The following B9D1 variants were observed in gnomAD, a reference collection of about 807,000 sequenced individuals.
B9D1 encodes B9 domain-containing protein 1.
A neutral mutation model predicts 26.1 loss-of-function variants in B9D1; 20 were observed. The ratio of observed to expected loss-of-function variants is 0.77; its 90% CI spans 0.54 to 1.12. The LOEUF is 1.12. Among genes scored for constraint, B9D1 ranks in the 50% most tolerant of loss-of-function variants. The pLI is 0.00. For missense variants in B9D1, 260 were observed against 273.7 expected, an observed-to-expected ratio of 0.95 and a Z score of 0.35; for synonymous variants, 105 against 103.1, an observed-to-expected ratio of 1.02 and a Z score of -0.11.
At chr17:19,346,560 G>A (rs1218739164) in intron 5 of B9D1, among the ~76,000 whole-genome samples, 1 of 152,208 alleles carries the variant, frequency 6.6e-6, no homozygotes, top group Non-Finnish European at 1.5e-5. Context: ...GAAGGCCAGG[G>A]CCCAGCTGGC....
At chr17:19,352,888 G>A (rs2152268775) in intron 3 of B9D1, among the ~76,000 whole-genome samples, 1 of 151,946 alleles carries the variant, frequency 6.6e-6, no homozygotes, top group Admixed American at 6.6e-5. Context: ...GGCTGGTCTC[G>A]AACTCCTGAC....
downstream of B9D1, among the ~76,000 whole-genome samples, chr17:19,342,501 CAG>C (rs1174865393): frequency 6.6e-6 from 1 of 152,056 alleles, no homozygotes; most frequent in African/African-American, 2.4e-5. Flanking sequence ...AGTGGCAGGG[CAG>C]AGAGGGCCTG....
chr17:19,341,204 G>C, downstream of B9D1: 5 of 1,231,634 alleles, frequency 4.1e-6, no homozygotes, highest in East Asian at 1.6e-4. Flanking sequence ...AGGCTTGTAC[G>C]TGCACACCAC....
At position 19,370,607 on chromosome 17, in the gene B9D1, G is replaced by C. The variant is rs994080853; in HGVS notation, c.-298+7252C>G. ...CAGCACCAATGGTGGAACTCCAGGC[G>C]TGGTGACAGGATGTGACCAGGTTCC... On this transcript the variant is annotated intron_variant, in intron 1 of 5. Transcript: ENST00000477478. The surrounding 1 kb of genome is among the most constrained non-coding windows in gnomAD (Gnocchi z 5.1). Among the ~76,000 whole-genome samples, 1 of 152,206 alleles carries C rather than the reference G, an allele frequency of 6.6e-6. No homozygotes were observed. Among genetic ancestry groups the C allele is most frequent in the African/African-American group, 2.4e-5 (1 of 41,446 alleles).
intron 3 of B9D1, among the ~76,000 whole-genome samples, chr17:19,354,232 A>G (rs1744885514): frequency 6.6e-6 from 1 of 152,158 alleles, no homozygotes; most frequent in African/African-American, 2.4e-5. Context: ...TGAAAAGCTA[A>G]AAGAATTCCA....
intron 3 of B9D1, among the ~76,000 whole-genome samples, chr17:19,354,130 A>AT (rs1329535858): frequency 6.6e-6 from 1 of 151,976 alleles, no homozygotes; most frequent in African/African-American, 2.4e-5. Context: ...TTATTTTCTT[A>AT]TTTTTCAAAC....
intron 1 of B9D1, among the ~76,000 whole-genome samples, chr17:19,373,622 C>A (rs571814320): frequency 2.6e-5 from 4 of 152,144 alleles, no homozygotes; most frequent in Non-Finnish European, 5.9e-5. Context: ...TGGTCTCAAA[C>A]CCCTGACCTC....
intron 1 of B9D1, among the ~76,000 whole-genome samples, chr17:19,376,644 A>AAT (rs1912132515): frequency 1.2e-4 from 18 of 145,776 alleles, no homozygotes; most frequent in Non-Finnish European, 7.5e-5. Context: ...AAAAAAAAAA[A>AAT]AAAAAAAGCC....
rs77722155 is a variant in B9D1 at position 19,351,282 on chromosome 17, T to C, written c.245-3402A>G. Among the ~76,000 whole-genome samples the C allele has an allele frequency of 9.1e-3, 1,386 of 152,326 alleles. 20 individuals are homozygous for C. The highest frequency in any genetic ancestry group is 0.031 in the African/African-American group (1,300 of 41,578). On this transcript the variant is annotated intron_variant, in intron 3 of 6. Transcript: ENST00000261499. ...ATGAGCCACTGTGCCTGGCCAACTATAGATGTCATAAAACCTTTGTATTTT... is the reference window on the plus strand; with the variant it reads ...ATGAGCCACTGTGCCTGGCCAACTACAGATGTCATAAAACCTTTGTATTTT...
At position 19,362,622 on chromosome 17, in the gene B9D1, G is replaced by A. The variant is rs1335063970; in HGVS notation, c.-53C>T. ...CACCTAGGCCGCGCGCGGTTGCTAA[G>A]AGACGCCGGCGTTGCCCTAGAAACA... On this transcript the variant is annotated 5_prime_UTR_variant, in exon 1 of 7. Transcript: ENST00000261499. 1.3e-6 allele frequency: 2 copies of A among 1,568,830 alleles called. No homozygotes were observed. The highest frequency in any genetic ancestry group is 1.7e-4 in the Middle Eastern group (1 of 5,996).
At chr17:19,360,427 A>C in intron 1 of B9D1, 39 bp from the exon 2 acceptor site, 1 of 1,583,274 alleles carries the variant, frequency 6.3e-7, no homozygotes, top group East Asian at 2.2e-5. Flanking sequence ...ACTGGTATTC[A>C]TGCTGAGGCC....
At chr17:19,362,389 C>A in intron 1 of B9D1, 118 bp downstream of exon 1, 1 of 743,944 alleles carries the variant, frequency 1.3e-6, no homozygotes, top group South Asian at 2.0e-5. Context: ...CCCGCCTAAC[C>A]GAGAGGCTCA....
upstream of B9D1, among the ~76,000 whole-genome samples, chr17:19,365,708 G>A (rs1038110253): frequency 6.6e-6 from 1 of 152,092 alleles, no homozygotes; most frequent in South Asian, 2.1e-4. The surrounding 1 kb of genome is among the most constrained non-coding windows in gnomAD (Gnocchi z 5.0). Flanking sequence ...AAATCAGACT[G>A]CCTGCAGTGG....
upstream of B9D1, among the ~76,000 whole-genome samples, chr17:19,366,170 C>T (rs992044198): frequency 1.1e-4 from 16 of 152,068 alleles, no homozygotes; most frequent in African/African-American, 3.9e-4. Flanking sequence ...GGAGCTCACT[C>T]ATCTCTAAGG....
rs1414382257 is a variant in B9D1 at position 19,347,817 on chromosome 17, T to C, written c.308A>G (p.Tyr103Cys). Residue 103 changes from tyrosine to cysteine, a missense_variant, in exon 4 of 7, where the codon TAT (tyrosine) becomes TGT (cysteine). By Grantham distance (194) the Tyr-to-Cys change is radical. Transcript: ENST00000261499. This position sits in a 1 kb window ranked among gnomAD's most constrained non-coding sequence, Gnocchi z 4.3. ...DVFGNDVVRG[Y>C]GAVHVPFSPG... ...TGAGAAGGGCACGTGCACGGCCCCA[T>C]AGCCTCGAACCACATCGTTCCCGAA... 1 of 1,613,892 alleles carries C rather than the reference T, an allele frequency of 6.2e-7. No homozygotes were observed.
At chr17:19,374,447 T>C (rs1912019587) in intron 1 of B9D1, among the ~76,000 whole-genome samples, 1 of 152,258 alleles carries the variant, frequency 6.6e-6, no homozygotes, top group South Asian at 2.1e-4. Context: ...CACTGGTGGG[T>C]GTCTAAATCA....
At chr17:19,367,424 G>A (rs887289638), upstream of B9D1, among the ~76,000 whole-genome samples, 3 of 149,242 alleles carry the variant, frequency 2.0e-5, no homozygotes, top group Non-Finnish European at 4.4e-5. Context: ...CGATTCTCCT[G>A]CCTCAGCCTC....
intron 3 of B9D1, among the ~76,000 whole-genome samples, chr17:19,353,636 C>T (rs983275237): frequency 6.6e-5 from 10 of 150,522 alleles, no homozygotes; most frequent in Admixed American, 5.3e-4. Context: ...AACGAGACTT[C>T]ATTTCAAAAA....
intron 5 of B9D1, among the ~76,000 whole-genome samples, chr17:19,344,329 T>C (rs912656174): frequency 6.6e-6 from 1 of 152,146 alleles, no homozygotes; most frequent in Non-Finnish European, 1.5e-5. Flanking sequence ...CCAGAACGGC[T>C]CCTCAGCCTT....
Sources: allele counts gnomAD v4.1 joint callset (sites outside exome capture counted in the v4.1 genomes callset), GRCh38; gene constraint gnomAD v4.1.1; non-coding constraint Gnocchi (gnomAD v3.1); transcripts MANE v1.5; gene names NCBI Gene and HGNC (gene_info 2026-07-23, HGNC 2026-07-21).